The following SMYD3 variants were observed in gnomAD, a reference collection of about 807,000 sequenced individuals.
SMYD3 encodes the protein histone-lysine N-methyltransferase SMYD3.
SMYD3 carries 36 observed loss-of-function variants against 57.7 expected under a neutral mutation model. The ratio of observed to expected loss-of-function variants is 0.62; its 90% CI spans 0.48 to 0.82. The LOEUF is 0.82. SMYD3 is among the 40% of genes least tolerant of loss of function. The pLI, the probability that SMYD3 is intolerant of heterozygous loss-of-function variation, is 0.00. For missense variants in SMYD3, 515 were observed against 538.8 expected (o/e 0.96, Z 0.44); for synonymous variants, 211 against 195.0 (o/e 1.08, Z -0.68).
At chr1:245,797,607 T>A (rs572994676) in intron 10 of SMYD3, among the ~76,000 whole-genome samples, 1 of 151,886 alleles carries the variant, frequency 6.6e-6, no homozygotes, top group South Asian at 2.1e-4. Context: ...CACACCAACA[T>A]GGCACATGTA....
intron 1 of SMYD3, among the ~76,000 whole-genome samples, chr1:246,462,843 CA>C (rs1326122146): frequency 5.9e-5 from 9 of 151,578 alleles, no homozygotes; most frequent in African/African-American, 1.9e-4. Context: ...TGCTGGTAAA[CA>C]AAGCAACAAA....
At chr1:245,865,324 T>C (rs771879346) in intron 8 of SMYD3, among the ~76,000 whole-genome samples, 1 of 152,078 alleles carries the variant, frequency 6.6e-6, no homozygotes, top group Non-Finnish European at 1.5e-5. Context: ...GTCTATAGAA[T>C]ACTAAAAAAT....
chr1:245,783,902 A>G (rs2046933442), intron 10 of SMYD3, among the ~76,000 whole-genome samples: 1 of 152,250 alleles, frequency 6.6e-6, no homozygotes, highest in Non-Finnish European at 1.5e-5. Context: ...AAATAAATAA[A>G]GAGCCACACT....
chr1:246,496,611 T>C (rs1305007766), intron 1 of SMYD3, among the ~76,000 whole-genome samples: 1 of 152,092 alleles, frequency 6.6e-6, no homozygotes, highest in African/African-American at 2.4e-5. Context: ...GTGAATTGCT[T>C]GAGCCCAGGA....
At chr1:246,275,773 T>G (rs552669071) in intron 5 of SMYD3, among the ~76,000 whole-genome samples, 4 of 151,718 alleles carry the variant, frequency 2.6e-5, no homozygotes, top group Admixed American at 2.6e-4. Context: ...ATACTAACTC[T>G]GTTTTTTCAC....
rs377210630 is a variant in SMYD3 at position 246,173,880 on chromosome 1, C to A, written c.531+153321G>T. ...GAAGTGCAGTAGCGGGATCATAGCT[C>A]ACATAAACCTCAAACTCCTGGGCTC... On this transcript the variant is annotated intron_variant, in intron 5 of 11. Coordinates refer to ENST00000490107, the MANE Select transcript of SMYD3 (RefSeq NM_001167740.2). Among the ~76,000 whole-genome samples, 69 of 152,188 alleles carry A rather than the reference C, an allele frequency of 4.5e-4. 1 individual carries two copies. In the East Asian group the frequency reaches 0.011, roughly 24 times the overall value.
intron 5 of SMYD3, among the ~76,000 whole-genome samples, chr1:246,097,053 T>G (rs1488845201): frequency 2.0e-5 from 3 of 152,246 alleles, no homozygotes; most frequent in African/African-American, 7.2e-5. Flanking sequence ...CATTAAAAAT[T>G]CTTTCATTAC....
intron 2 of SMYD3, among the ~76,000 whole-genome samples, chr1:246,347,147 T>C (rs2065734999): frequency 6.6e-6 from 1 of 151,648 alleles, no homozygotes; most frequent in Admixed American, 6.6e-5. Context: ...AAAAAAGACT[T>C]TATAAAAAAA....
intron 5 of SMYD3, among the ~76,000 whole-genome samples, chr1:246,085,156 C>T (rs1344495652): frequency 2.0e-5 from 3 of 152,140 alleles, no homozygotes; most frequent in Non-Finnish European, 4.4e-5. Context: ...TTAAACACTT[C>T]AATATAGAAG....
In SMYD3 at chr1:246,002,389, TTAG is replaced by T. The variant is rs1170860606; in HGVS notation, c.532-72455_532-72453del. On this transcript the variant is annotated intron_variant, in intron 5 of 11. Coordinates refer to ENST00000490107, the MANE Select transcript of SMYD3 (RefSeq NM_001167740.2). ...TTAGTAGAGACGGGGTTTCACCGTGTTAGCCAGGATGGTCTCGATCTCCTGACC... is the reference window on the plus strand; with the variant it reads ...TTAGTAGAGACGGGGTTTCACCGTGTCCAGGATGGTCTCGATCTCCTGACC... Among the ~76,000 whole-genome samples, 4 of 56,344 alleles carry T rather than the reference TTAG, an allele frequency of 7.1e-5. 1 individual carries two copies. In the East Asian group the frequency reaches 1.6e-3, roughly 22 times the overall value. 37.0% of individuals were successfully genotyped at this position (56,344 alleles called of 152,430 possible).
At chr1:246,497,329 C>T (rs902777863) in intron 1 of SMYD3, among the ~76,000 whole-genome samples, 1 of 152,160 alleles carries the variant, frequency 6.6e-6, no homozygotes, top group African/African-American at 2.4e-5. Flanking sequence ...AACTTGTTTG[C>T]CCTTTTTTGG....
intron 5 of SMYD3, among the ~76,000 whole-genome samples, chr1:245,938,587 A>C (rs548592372): frequency 1.2e-4 from 18 of 152,350 alleles, no homozygotes; most frequent in African/African-American, 4.1e-4. Context: ...TCATGGCTTC[A>C]TTCCAACTCC....
intron 10 of SMYD3, among the ~76,000 whole-genome samples, chr1:245,780,309 T>C (rs573709783): frequency 1.3e-5 from 2 of 152,364 alleles, no homozygotes; most frequent in Admixed American, 6.5e-5. Flanking sequence ...ACAAAGTTGA[T>C]ATCTCCGTAT....
chr1:246,481,756 A>T (rs2068111729), intron 1 of SMYD3, among the ~76,000 whole-genome samples: 1 of 145,372 alleles, frequency 6.9e-6, no homozygotes, highest in African/African-American at 2.7e-5. Context: ...ATATATGATT[A>T]TGTGTATCCA....
intron 7 of SMYD3, among the ~76,000 whole-genome samples, chr1:245,918,631 T>G (rs2055627243): frequency 6.6e-6 from 1 of 152,194 alleles, no homozygotes; most frequent in Non-Finnish European, 1.5e-5. Flanking sequence ...AAATTCCAAA[T>G]AACCTATTTC....
At chr1:246,348,966 T>C (rs1337826903) in intron 2 of SMYD3, among the ~76,000 whole-genome samples, 1 of 152,076 alleles carries the variant, frequency 6.6e-6, no homozygotes, top group Non-Finnish European at 1.5e-5. Flanking sequence ...AAAAAATTAC[T>C]AATCTAGAAT....
At chr1:246,419,579 G>A (rs2067111964) in intron 1 of SMYD3, among the ~76,000 whole-genome samples, 1 of 152,160 alleles carries the variant, frequency 6.6e-6, no homozygotes, top group Non-Finnish European at 1.5e-5. Flanking sequence ...GCCCTAGCCA[G>A]GGACCATGCC....
intron 5 of SMYD3, among the ~76,000 whole-genome samples, chr1:245,943,912 C>T (rs1362150133): frequency 2.6e-5 from 4 of 152,100 alleles, no homozygotes; most frequent in Admixed American, 1.3e-4. Flanking sequence ...TAGATGCAGA[C>T]AACGCCTTTG....
In SMYD3 at chr1:246,352,157, A is replaced by C. The variant is rs1424643062; in HGVS notation, c.228+2874T>G. Among the ~76,000 whole-genome samples, 94 of 150,294 alleles carry C rather than the reference A, an allele frequency of 6.3e-4. 2 individuals are homozygous for C. Among genetic ancestry groups the C allele is most frequent in the African/African-American group, 2.2e-3 (89 of 40,848 alleles). ...GTCTCAAAAAAAAAAAAAAAAAAAAAAAAAAACATAAAGAAAGAAATGTGA... is the reference window on the plus strand; with the variant it reads ...GTCTCAAAAAAAAAAAAAAAAAAAACAAAAAACATAAAGAAAGAAATGTGA... On this transcript the variant is annotated intron_variant, in intron 2 of 11. Transcript: ENST00000490107.
Sources: allele counts gnomAD v4.1 joint callset (sites outside exome capture counted in the v4.1 genomes callset), GRCh38; gene constraint gnomAD v4.1.1; transcripts MANE v1.5; gene names NCBI Gene and HGNC (gene_info 2026-07-23, HGNC 2026-07-21).